Variants in ERBB4 observed in about 807,000 individuals in gnomAD.
ERBB4 encodes erb-b2 receptor tyrosine kinase 4, also known as receptor tyrosine-protein kinase erbB-4.
Under a neutral mutation model 158.0 loss-of-function variants are expected in ERBB4, and 42 were observed. The observed-to-expected ratio is 0.27, with a 90% confidence interval of 0.21 to 0.34. The LOEUF is 0.34. ERBB4 is among the 10% of genes least tolerant of loss of function. The pLI is 1.00. For synonymous variants in ERBB4, 583 were observed against 558.7 expected, an observed-to-expected ratio of 1.04 and a Z score of -0.61; for missense variants, 1,333 against 1,624.1, an observed-to-expected ratio of 0.82 and a Z score of 3.08.
chr2:212,346,378 C>T (rs1387210104), intron 1 of ERBB4, among the ~76,000 whole-genome samples: 1 of 151,906 alleles, frequency 6.6e-6, no homozygotes, highest in Non-Finnish European at 1.5e-5. Flanking sequence ...AAGCCAAATA[C>T]ATAATGTCCG....
At chr2:211,728,837 T>A (rs2074350932) in intron 5 of ERBB4, among the ~76,000 whole-genome samples, 2 of 151,950 alleles carry the variant, frequency 1.3e-5, no homozygotes, top group South Asian at 4.1e-4. Flanking sequence ...AATGTTTCAG[T>A]TTCTCTGTAT....
chr2:212,531,677 A>G (rs1470034100), intron 1 of ERBB4, among the ~76,000 whole-genome samples: 1 of 152,136 alleles, frequency 6.6e-6, no homozygotes, highest in Non-Finnish European at 1.5e-5. Context: ...TAAAAATGAA[A>G]AAATAAGCAT....
intron 1 of ERBB4, among the ~76,000 whole-genome samples, chr2:212,443,470 G>A (rs1250966061): frequency 2.0e-5 from 3 of 152,176 alleles, no homozygotes; most frequent in Non-Finnish European, 4.4e-5. Flanking sequence ...TGAAGCATAA[G>A]TTGCTGCACT....
At chr2:212,031,827 A>T (rs537211706) in intron 2 of ERBB4, among the ~76,000 whole-genome samples, 2 of 152,262 alleles carry the variant, frequency 1.3e-5, no homozygotes, top group Admixed American at 6.6e-5. Context: ...GACACTTTAT[A>T]TTAAATTGTG....
At chr2:212,336,963 G>T (rs1224359848) in intron 1 of ERBB4, among the ~76,000 whole-genome samples, 1 of 152,032 alleles carries the variant, frequency 6.6e-6, no homozygotes, top group African/African-American at 2.4e-5. Flanking sequence ...GTTGGTCTAT[G>T]GATCTCATTT....
At chr2:211,717,170 T>C (rs889790419) in intron 7 of ERBB4, among the ~76,000 whole-genome samples, 1 of 152,168 alleles carries the variant, frequency 6.6e-6, no homozygotes, top group Non-Finnish European at 1.5e-5. Flanking sequence ...GGCATCCTAA[T>C]TTGAAGGTAG....
At chr2:211,828,402 A>C (rs749734087) in intron 3 of ERBB4, among the ~76,000 whole-genome samples, 2 of 152,218 alleles carry the variant, frequency 1.3e-5, no homozygotes, top group East Asian at 3.9e-4. Flanking sequence ...TCTACTATCA[A>C]ATTTTCTTCC....
At chr2:212,017,283 T>C (rs1435667813) in intron 2 of ERBB4, among the ~76,000 whole-genome samples, 1 of 152,120 alleles carries the variant, frequency 6.6e-6, no homozygotes, top group East Asian at 1.9e-4. Flanking sequence ...GTAAAAAAGC[T>C]AATAAATGTT....
At chr2:211,626,354 G>C (rs1428237730) in intron 17 of ERBB4, among the ~76,000 whole-genome samples, 2 of 152,090 alleles carry the variant, frequency 1.3e-5, no homozygotes, top group Non-Finnish European at 2.9e-5. Flanking sequence ...AGACAATCTG[G>C]AACAAAATGA....
intron 20 of ERBB4, among the ~76,000 whole-genome samples, chr2:211,447,569 G>T (rs2064143825): frequency 6.6e-6 from 1 of 152,078 alleles, no homozygotes; most frequent in Admixed American, 6.6e-5. Flanking sequence ...TTTGAATTTA[G>T]TCACAAAGAG....
rs5838319 is a variant in ERBB4 at position 212,346,308 on chromosome 2, G to GC, written c.82+192140dup. On this transcript the variant is annotated intron_variant, in intron 1 of 27. Coordinates refer to ENST00000342788, the MANE Select transcript of ERBB4 (RefSeq NM_005235.3). The stretch of plus-strand genomic sequence containing the variant: ...CTATTTTTATATTTCCTCAATGATG[G>GC]CCCCCCCCAAGAAAAGCCACAAATT... Among the ~76,000 whole-genome samples, 1,213 of 151,314 alleles carry GC rather than the reference G, an allele frequency of 8.0e-3. 12 individuals carry two copies. The highest frequency in any genetic ancestry group is 0.027 in the African/African-American group (1,115 of 41,214).
chr2:211,775,595 T>G (rs2075852761), intron 4 of ERBB4, among the ~76,000 whole-genome samples: 1 of 152,186 alleles, frequency 6.6e-6, no homozygotes, highest in Admixed American at 6.5e-5. Context: ...CTTTGGTTTG[T>G]CCAAGCACAC....
intron 1 of ERBB4, among the ~76,000 whole-genome samples, chr2:212,170,151 G>C (rs2081472024): frequency 6.6e-6 from 1 of 152,144 alleles, no homozygotes; most frequent in South Asian, 2.1e-4. Context: ...TTGTTGAATG[G>C]TTTTTGGCCA....
At position 212,496,333 on chromosome 2, in the gene ERBB4, T is replaced by C. The variant is rs1025565968; in HGVS notation, c.82+42116A>G. ...TACATCATGTAGATTATATTCTTCA[T>C]GTGCACGTGCATGCATACACACACA... On this transcript the variant is annotated intron_variant, in intron 1 of 27. Coordinates refer to ENST00000342788, the MANE Select transcript of ERBB4 (RefSeq NM_005235.3). 1.1e-3 allele frequency among the ~76,000 whole-genome samples: 166 copies of C among 151,890 alleles called. 5 individuals are homozygous for C. Among genetic ancestry groups the C allele is most frequent in the Non-Finnish European group, 1.2e-4 (8 of 67,968 alleles).
At chr2:212,373,764 C>CCATGTATATATCCAT (rs1560144832) in intron 1 of ERBB4, among the ~76,000 whole-genome samples, 1 of 98,292 alleles carries the variant, frequency 1.0e-5, no homozygotes, top group Non-Finnish European at 2.3e-5. Context: ...TATATATCCA[C>CCATGTATATATCCAT]GTATATATCC....
chr2:211,753,621 T>G (rs1179205113), intron 4 of ERBB4, among the ~76,000 whole-genome samples: 14 of 151,872 alleles, frequency 9.2e-5, no homozygotes, highest in Non-Finnish European at 1.6e-4. Flanking sequence ...CCCAGGGGCT[T>G]GGAAGTCAGC....
At chr2:211,400,337 C>CTGAA (rs1280607221) in intron 25 of ERBB4, among the ~76,000 whole-genome samples, 1 of 152,010 alleles carries the variant, frequency 6.6e-6, no homozygotes, top group Non-Finnish European at 1.5e-5. Flanking sequence ...GAAAATACAG[C>CTGAA]TGAATACTGA....
chr2:212,182,818 A>C (rs1438985282), intron 1 of ERBB4, among the ~76,000 whole-genome samples: 1 of 151,226 alleles, frequency 6.6e-6, no homozygotes, highest in East Asian at 1.9e-4. Flanking sequence ...TTCACAGGCC[A>C]TTATGTTTCT....
chr2:212,434,391 A>T (rs1031291314), intron 1 of ERBB4, among the ~76,000 whole-genome samples: 3 of 151,974 alleles, frequency 2.0e-5, no homozygotes, highest in Non-Finnish European at 4.4e-5. Context: ...AGTCTTCTAC[A>T]CCTTAAAACA....
Sources: allele counts gnomAD v4.1 joint callset (sites outside exome capture counted in the v4.1 genomes callset), GRCh38; gene constraint gnomAD v4.1.1; transcripts MANE v1.5; gene names NCBI Gene and HGNC (gene_info 2026-07-23, HGNC 2026-07-21).